PIP4K2A: variants seen among roughly 807,000 people sequenced by gnomAD.
PIP4K2A encodes phosphatidylinositol-5-phosphate 4-kinase type 2 alpha, also known as phosphatidylinositol 5-phosphate 4-kinase type-2 alpha.
A neutral mutation model predicts 42.9 loss-of-function variants in PIP4K2A; 14 were observed. The observed-to-expected ratio is 0.33, with a 90% confidence interval of 0.22 to 0.51. The LOEUF (loss-of-function observed/expected upper bound fraction) is 0.51, where lower values mean the gene tolerates loss of function less well. Among genes scored for constraint, PIP4K2A ranks in the 20% least tolerant of loss-of-function variants. The pLI, the probability that PIP4K2A is intolerant of heterozygous loss-of-function variation, is 0.97. For missense variants in PIP4K2A, 434 were observed against 519.8 expected (o/e 0.83, Z 1.61); for synonymous variants, 192 against 192.2 (o/e 1.00, Z 0.01).
chr10:22,642,066 G>A (rs1371917567), intron 1 of PIP4K2A: 1 of 152,376 alleles, frequency 6.6e-6, no homozygotes, highest in Non-Finnish European at 1.5e-5. Context: ...ATTTGGCCTG[G>A]AGGAGGCAGA....
At chr10:22,589,925 C>T (rs992844838) in intron 4 of PIP4K2A, among the ~76,000 whole-genome samples, 16 of 152,110 alleles carry the variant, frequency 1.1e-4, no homozygotes, top group African/African-American at 3.9e-4. Flanking sequence ...AAGTTTGTGT[C>T]CCCCAAAATG....
intron 1 of PIP4K2A, among the ~76,000 whole-genome samples, chr10:22,654,601 G>T (rs1342836845): frequency 6.6e-6 from 1 of 152,184 alleles, no homozygotes; most frequent in Non-Finnish European, 1.5e-5. Context: ...TCAGAGACAG[G>T]TGAGTTTTAA....
chr10:22,664,190 T>C (rs11594397), intron 1 of PIP4K2A, among the ~76,000 whole-genome samples: 12 of 78,712 alleles, frequency 1.5e-4, no homozygotes, highest in East Asian at 1.4e-3. Flanking sequence ...TACATATATA[T>C]ACATATATAT....
chr10:22,672,202 A>C (rs1839467179), intron 1 of PIP4K2A, among the ~76,000 whole-genome samples: 2 of 151,896 alleles, frequency 1.3e-5, no homozygotes, highest in Non-Finnish European at 2.9e-5. Context: ...ATGCCGCTAC[A>C]TCATGAATAA....
At chr10:22,578,236 G>A (rs1307720195) in intron 4 of PIP4K2A, among the ~76,000 whole-genome samples, 1 of 152,026 alleles carries the variant, frequency 6.6e-6, no homozygotes, top group Non-Finnish European at 1.5e-5. Context: ...TCCATCTCTG[G>A]TCTCTCTCCT....
chr10:22,541,943 C>T lies in PIP4K2A; in HGVS notation c.897G>A (p.Glu299=), dbSNP rs1836128320. 1.9e-6 allele frequency: 3 copies of T among 1,613,998 alleles called. No individual in the cohort carries two copies. The highest frequency in any genetic ancestry group is 2.5e-6 in the Non-Finnish European group (3 of 1,180,010). The part of the protein sequence containing the change: ...EEVECEENDG[E]EEGESDGTHP... ...GGGTGCCATCGCTCTCGCCCTCCTC[C>T]TCCCCATCGTTCTCCTCACACTCCA... The change falls in exon 8 of 10, where the codon GAG becomes GAA. Residue 299 remains glutamate, a synonymous_variant. Transcript: ENST00000376573.
At chr10:22,683,415 C>T (rs1839700699) in intron 1 of PIP4K2A, among the ~76,000 whole-genome samples, 1 of 152,110 alleles carries the variant, frequency 6.6e-6, no homozygotes, top group Admixed American at 6.5e-5. Flanking sequence ...GAGTCAGAGC[C>T]AGGTTTGATC....
At chr10:22,708,337 A>G (rs1588719214) in intron 1 of PIP4K2A, among the ~76,000 whole-genome samples, 1 of 152,144 alleles carries the variant, frequency 6.6e-6, no homozygotes, top group Middle Eastern at 3.4e-3. Flanking sequence ...TCCTTCCCTC[A>G]AAGCCAAGTG....
At chr10:22,617,680 G>GT (rs1838204398) in intron 1 of PIP4K2A, among the ~76,000 whole-genome samples, 1 of 152,188 alleles carries the variant, frequency 6.6e-6, no homozygotes, top group Non-Finnish European at 1.5e-5. Flanking sequence ...CACCCCTTGT[G>GT]TGGAGCCCCT....
intron 1 of PIP4K2A, among the ~76,000 whole-genome samples, chr10:22,704,804 C>T (rs1056829164): frequency 6.6e-6 from 1 of 152,124 alleles, no homozygotes; most frequent in African/African-American, 2.4e-5. Flanking sequence ...GAAGACACTG[C>T]AATGGTGGGA....
At chr10:22,561,801 G>A (rs965922548) in intron 6 of PIP4K2A, among the ~76,000 whole-genome samples, 1 of 151,864 alleles carries the variant, frequency 6.6e-6, no homozygotes, top group African/African-American at 2.4e-5. Flanking sequence ...CCGAGCTCAG[G>A]CTATCCTGTA....
At chr10:22,590,232 C>T (rs939877306) in intron 4 of PIP4K2A, among the ~76,000 whole-genome samples, 18 of 152,304 alleles carry the variant, frequency 1.2e-4, no homozygotes, top group South Asian at 4.1e-4. Context: ...ACCCAGTCTA[C>T]GGTTTTTTAT....
rs180878438 is a variant in PIP4K2A, at chr10:22,658,333, G to A, written c.145-48616C>T. Among the ~76,000 whole-genome samples, 15 of 152,270 alleles carry A rather than the reference G, an allele frequency of 9.9e-5. No individual in the cohort carries two copies. The East Asian group carries it at 2.9e-3, about 29-fold the overall frequency. ...TTGGATAACAAGCAAGGTTATTACC[G>A]GAAAGAACTGAAATACTTTACAAAA... On this transcript the variant is annotated intron_variant, in intron 1 of 9. Coordinates refer to ENST00000376573, the MANE Select transcript of PIP4K2A (RefSeq NM_005028.5).
chr10:22,550,556 T>G (rs1270813517), intron 7 of PIP4K2A, 103 bp downstream of exon 7: 2 of 749,098 alleles, frequency 2.7e-6, no homozygotes, highest in Admixed American at 4.3e-5. Context: ...ATGCAGGTTT[T>G]TGCCTTGATT....
At chr10:22,542,150 T>TG (rs1836136855) in intron 7 of PIP4K2A, 103 bp from the exon 8 acceptor site, 1 of 1,064,832 alleles carries the variant, frequency 9.4e-7, no homozygotes, top group Non-Finnish European at 1.4e-6. Flanking sequence ...GGCTGTGGGG[T>TG]GGGGCAGCAG....
intron 1 of PIP4K2A, among the ~76,000 whole-genome samples, chr10:22,677,212 C>G (rs912486004): frequency 6.6e-6 from 1 of 152,156 alleles, no homozygotes; most frequent in African/African-American, 2.4e-5. Context: ...CTGGGGTGTG[C>G]TCATTCACTG....
intron 1 of PIP4K2A, among the ~76,000 whole-genome samples, chr10:22,710,208 T>C (rs867263764): frequency 2.0e-5 from 3 of 152,046 alleles, no homozygotes; most frequent in Non-Finnish European, 4.4e-5. Flanking sequence ...ACACAGCACA[T>C]GGTGCTCATC....
At chr10:22,648,142 A>C (rs1614387) in intron 1 of PIP4K2A, among the ~76,000 whole-genome samples, 40,988 of 152,164 alleles carry the variant, frequency 0.27, 5,839 homozygotes, top group Non-Finnish European at 0.31. Flanking sequence ...AGTTAACACA[A>C]AATTCACTCT....
chr10:22,601,130 CAAAA>C (rs1188396077), intron 3 of PIP4K2A, among the ~76,000 whole-genome samples: 405 of 31,786 alleles, frequency 0.013, no homozygotes, highest in African/African-American at 0.015. Flanking sequence ...GAGACTGTCT[CAAAA>C]AAAAAAAAAA....
Sources: allele counts gnomAD v4.1 joint callset (sites outside exome capture counted in the v4.1 genomes callset), GRCh38; gene constraint gnomAD v4.1.1; transcripts MANE v1.5; gene names NCBI Gene and HGNC (gene_info 2026-07-23, HGNC 2026-07-21).